TOX2: variants seen among roughly 807,000 people sequenced by gnomAD.
TOX2 encodes granulosa cell HMG box 1.
A neutral mutation model predicts 47.4 loss-of-function variants in TOX2; 15 were observed. The observed-to-expected ratio is 0.32, with a 90% CI of 0.21 to 0.49. The LOEUF is 0.49. TOX2 is among the 20% of genes least tolerant of loss of function. TOX2 has a pLI of 0.99. For missense variants in TOX2, 622 were observed against 673.1 expected (o/e 0.92, Z 0.84); for synonymous variants, 290 against 296.6 (o/e 0.98, Z 0.23).
chr20:43,921,740 C>T (rs2069114860), intron 1 of TOX2, among the ~76,000 whole-genome samples: 1 of 151,988 alleles, frequency 6.6e-6, no homozygotes, highest in Admixed American at 6.6e-5. Context: ...CTCAGTGTAG[C>T]CTCAAACTCC....
chr20:43,996,435 A>G (rs1329952133), intron 2 of TOX2, among the ~76,000 whole-genome samples: 2 of 152,242 alleles, frequency 1.3e-5, no homozygotes, highest in African/African-American at 4.8e-5. Context: ...GCCCTGGCCT[A>G]GCCAGGACTC....
chr20:44,028,354 C>A (rs1237640134), intron 3 of TOX2, among the ~76,000 whole-genome samples: 1 of 152,096 alleles, frequency 6.6e-6, no homozygotes, highest in Non-Finnish European at 1.5e-5. Context: ...TGGGGCTGGA[C>A]TGGTTCTGGG....
rs141821803 is a variant in TOX2, at chr20:43,925,994, T to A, written c.99+11004T>A. Among the ~76,000 whole-genome samples the A allele has an allele frequency of 2.1e-3, 321 of 152,354 alleles. 1 individual carries two copies. The highest frequency in any genetic ancestry group is 7.5e-3 in the African/African-American group (310 of 41,584). ...GGTGGAAGAGTGTATCACTGGCTCC[T>A]TGTCCTAGAGTGCTTTTTACATTAC... On this transcript the variant is annotated intron_variant, in intron 1 of 8. Transcript: ENST00000341197.
At chr20:44,038,812 A>G (rs1371406428) in intron 3 of TOX2, among the ~76,000 whole-genome samples, 5 of 152,136 alleles carry the variant, frequency 3.3e-5, no homozygotes, top group Non-Finnish European at 5.9e-5. Flanking sequence ...GGGTTACACT[A>G]AGCACACGGG....
chr20:43,995,489 A>C (rs540694999), intron 2 of TOX2, among the ~76,000 whole-genome samples: 5 of 152,202 alleles, frequency 3.3e-5, no homozygotes, highest in Admixed American at 1.3e-4. Context: ...ACTGAATCGC[A>C]CTACAGTCTT....
intron 4 of TOX2, among the ~76,000 whole-genome samples, chr20:44,053,453 C>CATATATATAT (rs2071553416): frequency 6.8e-6 from 1 of 146,308 alleles, no homozygotes; most frequent in African/African-American, 2.7e-5. Flanking sequence ...CACACACACA[C>CATATATATAT]ACACACACAC....
chr20:43,944,715 A>G (rs1426078977), intron 1 of TOX2, among the ~76,000 whole-genome samples: 2 of 152,208 alleles, frequency 1.3e-5, no homozygotes, highest in African/African-American at 4.8e-5. Flanking sequence ...GGATCCTCTC[A>G]GCTCTGTGGT....
At chr20:43,939,766 A>T (rs983001490) in intron 1 of TOX2, among the ~76,000 whole-genome samples, 1 of 152,152 alleles carries the variant, frequency 6.6e-6, no homozygotes, top group Non-Finnish European at 1.5e-5. Flanking sequence ...AACTCATTTC[A>T]TTTTGCTAGA....
intron 1 of TOX2, chr20:43,946,124 G>A (rs182227456): frequency 6.4e-7 from 1 of 1,560,030 alleles, no homozygotes; most frequent in African/African-American, 1.4e-5. Context: ...CTGGATGGGG[G>A]CAGGCAGGGA....
chr20:44,066,984 G>A, intron 8 of TOX2, 127 bp downstream of exon 8: 1 of 1,354,934 alleles, frequency 7.4e-7, no homozygotes, highest in Non-Finnish European at 9.9e-7. Flanking sequence ...TGTCAGCCCT[G>A]CTGAGGGGAT....
chr20:43,998,496 C>A (rs2070517425), intron 2 of TOX2, among the ~76,000 whole-genome samples: 1 of 152,190 alleles, frequency 6.6e-6, no homozygotes. Flanking sequence ...TCATTTCTAT[C>A]TGACTGATTT....
At chr20:44,061,821 GGTTTAACA>G (rs1300967687) in intron 5 of TOX2, among the ~76,000 whole-genome samples, 1 of 152,026 alleles carries the variant, frequency 6.6e-6, no homozygotes, top group Non-Finnish European at 1.5e-5. Context: ...ATGCAGGGAT[GGTTTAACA>G]TACACGAGTC....
chr20:44,062,767 A>G (rs1190677025), intron 5 of TOX2, among the ~76,000 whole-genome samples: 1 of 151,850 alleles, frequency 6.6e-6, no homozygotes, highest in Non-Finnish European at 1.5e-5. Context: ...TCACCAAAAC[A>G]GCATGGTACT....
At chr20:43,924,343 G>GGT (rs2069142298) in intron 1 of TOX2, among the ~76,000 whole-genome samples, 1 of 150,906 alleles carries the variant, frequency 6.6e-6, no homozygotes, top group East Asian at 2.0e-4. Context: ...GAAGACAAAT[G>GGT]GTAATTAATG....
intron 1 of TOX2, among the ~76,000 whole-genome samples, chr20:43,968,462 G>C (rs1439470102): frequency 6.6e-6 from 1 of 152,158 alleles, no homozygotes; most frequent in African/African-American, 2.4e-5. Context: ...TAGGTTGGGG[G>C]CTGGCTGTTG....
chr20:43,947,503 C>T (rs780686302), intron 1 of TOX2, among the ~76,000 whole-genome samples: 1 of 152,190 alleles, frequency 6.6e-6, no homozygotes, highest in Non-Finnish European at 1.5e-5. Flanking sequence ...TGTTTGTGTG[C>T]ATCTGCGTGT....
chr20:43,919,996 C>T (rs137891136), intron 1 of TOX2, among the ~76,000 whole-genome samples: 15 of 152,298 alleles, frequency 9.8e-5, no homozygotes, highest in Middle Eastern at 3.4e-3. Context: ...GGCTCCACCC[C>T]CAGAGATTGG....
chr20:44,053,151 G>A (rs774982619), intron 4 of TOX2, among the ~76,000 whole-genome samples: 36 of 152,194 alleles, frequency 2.4e-4, no homozygotes, highest in Non-Finnish European at 4.6e-4. Flanking sequence ...TGACCCAACA[G>A]AGACCCACTG....
chr20:44,047,319 T>G (rs916573116), intron 3 of TOX2, among the ~76,000 whole-genome samples: 5 of 152,150 alleles, frequency 3.3e-5, no homozygotes, highest in African/African-American at 1.2e-4. Flanking sequence ...ATGGTAAAAT[T>G]GCTCATCTCA....
Sources: gnomAD v4.1 joint callset for allele counts (sites outside exome capture counted in the v4.1 genomes callset) on GRCh38, gnomAD v4.1.1 for gene constraint, MANE v1.5 for transcripts, NCBI Gene and HGNC (gene_info 2026-07-23, HGNC 2026-07-21) for gene names.